Variants in CCDC60 observed in about 807,000 individuals in gnomAD.
CCDC60 encodes the protein coiled-coil domain containing 60.
Under a neutral mutation model 63.5 loss-of-function variants are expected in CCDC60, and 54 were observed. That is an observed-to-expected ratio of 0.85 (90% CI 0.68 to 1.07). The LOEUF is 1.07. CCDC60 is among the 50% of genes least tolerant of loss of function. The pLI is 0.00. For synonymous variants in CCDC60, 206 were observed against 238.8 expected, an observed-to-expected ratio of 0.86 and a Z score of 1.27; for missense variants, 651 against 684.3, an observed-to-expected ratio of 0.95 and a Z score of 0.54.
intron 2 of CCDC60, among the ~76,000 whole-genome samples, chr12:119,459,528 A>G (rs546057241): frequency 6.6e-6 from 1 of 152,230 alleles, no homozygotes; most frequent in Non-Finnish European, 1.5e-5. Flanking sequence ...ATTAGCCACA[A>G]GATTAGAAAT....
intron 4 of CCDC60, among the ~76,000 whole-genome samples, chr12:119,480,826 ATCACCACCATCATCC>A (rs1244909166): frequency 2.7e-5 from 4 of 150,730 alleles, no homozygotes; most frequent in Admixed American, 6.6e-5. Flanking sequence ...CACCACCATC[ATCACCACCATCATCC>A]TCACCACCAT....
At chr12:119,352,259 C>G (rs1009356794) in intron 1 of CCDC60, among the ~76,000 whole-genome samples, 1 of 152,216 alleles carries the variant, frequency 6.6e-6, no homozygotes, top group African/African-American at 2.4e-5. Context: ...CAGACCCCAC[C>G]TCCAACACTG....
rs190978911 is a variant in CCDC60 at position 119,535,477 on chromosome 12, G to C, written c.1551+4414G>C. ...GCTAGTTTTGAATTTGTTTGCTCTTGCTTGTCTAGTTCTTTTCATTGTGAT... is the reference window on the plus strand; with the variant it reads ...GCTAGTTTTGAATTTGTTTGCTCTTCCTTGTCTAGTTCTTTTCATTGTGAT... On this transcript the variant is annotated intron_variant, in intron 13 of 13. Coordinates refer to ENST00000327554, the MANE Select transcript of CCDC60 (RefSeq NM_178499.5). Among the ~76,000 whole-genome samples the C allele has an allele frequency of 1.1e-4, 16 of 152,190 alleles. No homozygotes were observed. The East Asian group carries it at 1.7e-3, about 17-fold the overall frequency.
chr12:119,506,149 T>A (rs1951994129), intron 7 of CCDC60, among the ~76,000 whole-genome samples: 1 of 152,166 alleles, frequency 6.6e-6, no homozygotes, highest in African/African-American at 2.4e-5. Context: ...CCTTCTGCCC[T>A]TCTTACCCAG....
At chr12:119,344,136 G>A (rs115273509) in intron 1 of CCDC60, among the ~76,000 whole-genome samples, 2,056 of 152,202 alleles carry the variant, frequency 0.014, 47 homozygotes, top group African/African-American at 0.047. Flanking sequence ...AGGCCAGATA[G>A]GCTGTCCCTT....
At chr12:119,508,318 T>G (rs991892450) in intron 7 of CCDC60, among the ~76,000 whole-genome samples, 3 of 149,610 alleles carry the variant, frequency 2.0e-5, no homozygotes, top group African/African-American at 7.4e-5. Flanking sequence ...CCATCTCTAC[T>G]AAAAATACAA....
At chr12:119,540,585 C>T in intron 13 of CCDC60, 29 bp from the exon 14 acceptor site, 1 of 1,540,470 alleles carries the variant, frequency 6.5e-7, no homozygotes, top group East Asian at 2.3e-5. Context: ...AGAGCAAATT[C>T]TGAGATTGCC....
At chr12:119,504,783 A>G (rs1259453956) in intron 6 of CCDC60, among the ~76,000 whole-genome samples, 2 of 152,240 alleles carry the variant, frequency 1.3e-5, no homozygotes, top group South Asian at 4.1e-4. Context: ...TTGGCTTCCT[A>G]TGGTGACTTC....
rs572411264 is a variant in CCDC60 at position 119,505,024 on chromosome 12, T to C, written c.649-45T>C. The C allele has an allele frequency of 1.1e-4, 151 of 1,426,570 alleles. No individual in the cohort carries two copies. The South Asian group carries it at 1.9e-3, about 18-fold the overall frequency. The allele number at this position is 1,426,570 out of a possible 1,614,324, so 88.4% of individuals were successfully genotyped here. A position where few individuals can be genotyped will look rare whatever the true frequency, so the allele number is the denominator to read the frequency against. ...CTCCTTTCTTTCTTTCTTCCATCTT[T>C]TTCCCCCTCCTTCCTGAAACCTCTC... is the stretch of plus-strand genomic sequence containing the variant. On this transcript the variant is annotated intron_variant, in intron 6 of 13. Transcript: ENST00000327554.
chr12:119,403,384 G>A (rs979358444), intron 1 of CCDC60, among the ~76,000 whole-genome samples: 1 of 152,298 alleles, frequency 6.6e-6, no homozygotes, highest in African/African-American at 2.4e-5. Flanking sequence ...TGCCTGGGAG[G>A]AAACTAGTAC....
intron 2 of CCDC60, among the ~76,000 whole-genome samples, chr12:119,441,898 G>A (rs1950453278): frequency 6.6e-6 from 1 of 151,984 alleles, no homozygotes; most frequent in African/African-American, 2.4e-5. Flanking sequence ...CTTCTTTTCA[G>A]AAGATACCTA....
intron 1 of CCDC60, among the ~76,000 whole-genome samples, chr12:119,343,276 T>C (rs113184577): frequency 1.3e-5 from 2 of 152,340 alleles, no homozygotes; most frequent in African/African-American, 4.8e-5. Context: ...TCGGTAGTTT[T>C]ATTTAATAAC....
chr12:119,486,369 T>C (rs1593159015), intron 4 of CCDC60, among the ~76,000 whole-genome samples: 1 of 151,846 alleles, frequency 6.6e-6, no homozygotes, highest in South Asian at 2.1e-4. Context: ...AGTCCCCATC[T>C]CTACAAAAAA....
chr12:119,516,578 C>T (rs763179269), intron 7 of CCDC60, 45 bp from the exon 8 acceptor site: 4 of 1,382,990 alleles, frequency 2.9e-6, no homozygotes, highest in Non-Finnish European at 4.1e-6. Flanking sequence ...AATCCTGTCT[C>T]AGGGGTGGCT....
chr12:119,449,469 A>T (rs1306111552), intron 2 of CCDC60, among the ~76,000 whole-genome samples: 1 of 152,226 alleles, frequency 6.6e-6, no homozygotes, highest in Non-Finnish European at 1.5e-5. Context: ...CTGCACATAT[A>T]GTCCTATAAC....
At chr12:119,445,852 C>A (rs955012191) in intron 2 of CCDC60, among the ~76,000 whole-genome samples, 1 of 152,058 alleles carries the variant, frequency 6.6e-6, no homozygotes, top group Admixed American at 6.5e-5. Flanking sequence ...AACCAAATAT[C>A]GTGTGTTCTC....
At chr12:119,340,775 T>G (rs900462025) in intron 1 of CCDC60, among the ~76,000 whole-genome samples, 7 of 152,200 alleles carry the variant, frequency 4.6e-5, no homozygotes, top group African/African-American at 1.7e-4. Context: ...AATGGCGGGC[T>G]GTAGTGAGTC....
chr12:119,427,794 T>A (rs969945317), intron 1 of CCDC60, among the ~76,000 whole-genome samples: 47 of 152,210 alleles, frequency 3.1e-4, no homozygotes, highest in Middle Eastern at 3.2e-3. Flanking sequence ...TTCTGATTAT[T>A]GTTTCTCCAA....
chr12:119,347,793 A>G (rs189398933), intron 1 of CCDC60, among the ~76,000 whole-genome samples: 1 of 152,314 alleles, frequency 6.6e-6, no homozygotes, highest in Admixed American at 6.5e-5. Context: ...TGCAAAAATA[A>G]TAACAGTTCC....
Sources: allele counts gnomAD v4.1 joint callset (sites outside exome capture counted in the v4.1 genomes callset), GRCh38; gene constraint gnomAD v4.1.1; transcripts MANE v1.5; gene names NCBI Gene and HGNC (gene_info 2026-07-23, HGNC 2026-07-21).